PCSK5: variants seen among roughly 807,000 people sequenced by gnomAD.
The protein encoded by PCSK5 is proprotein convertase subtilisin/kexin type 5.
Under a neutral mutation model 233.2 loss-of-function variants are expected in PCSK5, and 129 were observed. The ratio of observed to expected loss-of-function variants is 0.55; its 90% CI spans 0.48 to 0.64. PCSK5 has a LOEUF of 0.64. Ranked by LOEUF, PCSK5 falls within the 30% of genes least tolerant of loss-of-function variation. The pLI is 0.00. For missense variants in PCSK5, 2,076 were observed against 2,430.1 expected (o/e 0.85, Z 3.06); for synonymous variants, 825 against 879.2 (o/e 0.94, Z 1.09).
At chr9:76,215,473 C>G (rs1825488388) in intron 20 of PCSK5, among the ~76,000 whole-genome samples, 1 of 152,102 alleles carries the variant, frequency 6.6e-6, no homozygotes, top group African/African-American at 2.4e-5. Context: ...GCCCAGGACC[C>G]CCGATATGGG....
chr9:76,109,575 T>C (rs570710667), intron 9 of PCSK5, among the ~76,000 whole-genome samples: 113 of 144,528 alleles, frequency 7.8e-4, no homozygotes, highest in South Asian at 1.8e-3. Flanking sequence ...TTTTTTTTTT[T>C]TCTCTTTTGC....
chr9:76,361,686 A>G lies in PCSK5; in HGVS notation c.*2764A>G, dbSNP rs1830433980. ...TATTGCACTTCAGCCTGAATGACAGAGCTAAGACCCTGACTCAAAATAAAT... is the reference window on the plus strand; with the variant it reads ...TATTGCACTTCAGCCTGAATGACAGGGCTAAGACCCTGACTCAAAATAAAT... On this transcript the variant is annotated 3_prime_UTR_variant, in exon 38 of 38. Transcript: ENST00000674117. 1 of 152,254 alleles carries G rather than the reference A, an allele frequency of 6.6e-6. No homozygotes were observed. The highest frequency in any genetic ancestry group is 1.5e-5 in the Non-Finnish European group (1 of 68,070). The allele number at this position is 152,254 out of a possible 1,614,324, so 9.4% of individuals were successfully genotyped here.
rs1381654974 is a variant in PCSK5, at chr9:76,321,482, A to C, written c.3945A>C (p.Glu1315Asp). 1.2e-6 allele frequency: 2 copies of C among 1,612,258 alleles called. No individual in the cohort carries two copies. Among genetic ancestry groups the C allele is most frequent in the Non-Finnish European group, 1.7e-6 (2 of 1,179,440 alleles). ...GTAGCTCTCCTTGCAGAACATGTGA[A>C]GGAAACGCCACCAACTGCCATTCTT... ...ERCSSPCRTC[E>D]GNATNCHSCE... Residue 1315 changes from glutamate (E) to aspartate (D), a missense_variant, in exon 31 of 38, where the codon GAA becomes GAC. This residue lies in a region of PCSK5 where 1,510 missense variants were observed against 1,538.1 expected (regional missense o/e 0.98). Coordinates refer to ENST00000674117, the MANE Select transcript of PCSK5 (RefSeq NM_001372043.1).
At chr9:76,227,230 T>C (rs1441513584) in intron 20 of PCSK5, among the ~76,000 whole-genome samples, 1 of 152,180 alleles carries the variant, frequency 6.6e-6, no homozygotes, top group African/African-American at 2.4e-5. Context: ...CTTCCCTACT[T>C]ATAAAATCTG....
chr9:76,315,802 T>C (rs767882280), intron 30 of PCSK5, among the ~76,000 whole-genome samples: 57 of 151,996 alleles, frequency 3.8e-4, no homozygotes, highest in Non-Finnish European at 7.8e-4. Context: ...TCGACTAATT[T>C]TTGTATTTTT....
rs200128943 is a variant in PCSK5, at chr9:76,181,348, G to A, written c.2004-50G>A. On this transcript the variant is annotated intron_variant, in intron 15 of 37. Transcript: ENST00000674117. Reference sequence around the variant, plus strand: ...TCAGCACCTCCAAGAGAATGCTGGGGACTGGTTTGCTCATGACGCTGCCTT... The same window carrying A: ...TCAGCACCTCCAAGAGAATGCTGGGAACTGGTTTGCTCATGACGCTGCCTT... 48 of 1,498,232 alleles carry A rather than the reference G, an allele frequency of 3.2e-5. No homozygotes were observed. The East Asian group carries it at 1.1e-3, about 33-fold the overall frequency. 92.8% of individuals were successfully genotyped at this position (1,498,232 alleles called of 1,614,324 possible).
intron 3 of PCSK5, among the ~76,000 whole-genome samples, chr9:76,003,627 T>C (rs1268366532): frequency 6.6e-6 from 1 of 152,210 alleles, no homozygotes; most frequent in Non-Finnish European, 1.5e-5. Flanking sequence ...AGAATGCATC[T>C]CCTAAGAACA....
intron 3 of PCSK5, among the ~76,000 whole-genome samples, chr9:76,010,219 C>T (rs779208097): frequency 1.3e-5 from 2 of 152,100 alleles, no homozygotes; most frequent in African/African-American, 2.4e-5. Flanking sequence ...AGTCTGGTTC[C>T]GTAATGATGT....
chr9:76,194,857 G>A (rs575729113), intron 20 of PCSK5: 16 of 405,802 alleles, frequency 3.9e-5, no homozygotes, highest in South Asian at 2.8e-4. Flanking sequence ...GCTTCTGAGA[G>A]CCTTACTTAG....
In PCSK5 at chr9:76,078,273, T is replaced by C. The variant is rs560901254; in HGVS notation, c.894+6375T>C. Among the ~76,000 whole-genome samples the C allele has an allele frequency of 2.9e-4, 44 of 152,336 alleles. 1 individual carries two copies. The highest frequency in any genetic ancestry group is 1.9e-3 in the Admixed American group (29 of 15,292). On this transcript the variant is annotated intron_variant, in intron 7 of 37. Transcript: ENST00000674117. ...TTTCTTTTGCTGTGCAGAAGCTTTT[T>C]AGTTTAATTAGACCCAACTTATCAA... is the stretch of plus-strand genomic sequence containing the variant.
intron 22 of PCSK5, among the ~76,000 whole-genome samples, chr9:76,238,536 T>C (rs1002701440): frequency 6.6e-6 from 1 of 152,230 alleles, no homozygotes; most frequent in African/African-American, 2.4e-5. Context: ...TGCACTTTCA[T>C]AAAAAGTGTC....
At chr9:76,024,989 A>G (rs1422594978) in intron 4 of PCSK5, among the ~76,000 whole-genome samples, 1 of 152,176 alleles carries the variant, frequency 6.6e-6, no homozygotes, top group African/African-American at 2.4e-5. Flanking sequence ...TTTCCTTATC[A>G]GTAAAATTAG....
intron 5 of PCSK5, among the ~76,000 whole-genome samples, chr9:76,056,190 C>A (rs1381521223): frequency 6.6e-6 from 1 of 152,160 alleles, no homozygotes; most frequent in Non-Finnish European, 1.5e-5. Flanking sequence ...CTCCCACTTG[C>A]CATTGCTTGA....
At chr9:76,060,957 A>T (rs529075838) in intron 5 of PCSK5, among the ~76,000 whole-genome samples, 96 of 152,348 alleles carry the variant, frequency 6.3e-4, no homozygotes, top group African/African-American at 2.2e-3. Flanking sequence ...TTCTATTTAT[A>T]AGAGATATAA....
At chr9:76,320,749 CA>C (rs1829174329) in intron 30 of PCSK5, among the ~76,000 whole-genome samples, 1 of 151,762 alleles carries the variant, frequency 6.6e-6, no homozygotes, top group African/African-American at 2.4e-5. Flanking sequence ...GCTGGGATTA[CA>C]GGCATGAGCC....
At chr9:76,000,102 G>A (rs1827201240) in intron 3 of PCSK5, among the ~76,000 whole-genome samples, 3 of 152,146 alleles carry the variant, frequency 2.0e-5, no homozygotes, top group Non-Finnish European at 1.5e-5. Flanking sequence ...CCATCAAAAA[G>A]TGGGTGAAGG....
chr9:76,130,770 A>AT (rs749199763), intron 9 of PCSK5, among the ~76,000 whole-genome samples: 6 of 152,096 alleles, frequency 3.9e-5, no homozygotes, highest in Non-Finnish European at 8.8e-5. Context: ...GACTCTCTTC[A>AT]TATATATTTT....
At chr9:76,113,368 A>G (rs994780939) in intron 9 of PCSK5, among the ~76,000 whole-genome samples, 1 of 152,164 alleles carries the variant, frequency 6.6e-6, no homozygotes, top group Non-Finnish European at 1.5e-5. Context: ...TTTTCTCAGG[A>G]AATTAAACTG....
At chr9:76,059,075 G>A (rs1431868899) in intron 5 of PCSK5, among the ~76,000 whole-genome samples, 1 of 152,228 alleles carries the variant, frequency 6.6e-6, no homozygotes, top group Non-Finnish European at 1.5e-5. Flanking sequence ...AGTCATGATT[G>A]AAGGTAGCTA....
Sources: gnomAD v4.1 joint callset for allele counts (sites outside exome capture counted in the v4.1 genomes callset) on GRCh38, gnomAD v4.1.1 for gene constraint, gnomAD v4.1.1 regional missense constraint, MANE v1.5 for transcripts, NCBI Gene and HGNC (gene_info 2026-07-23, HGNC 2026-07-21) for gene names.